The following RAB11FIP2 variants were observed in gnomAD, a reference collection of about 807,000 sequenced individuals.
RAB11FIP2 encodes the protein rab11 family-interacting protein 2.
RAB11FIP2 carries 16 observed loss-of-function variants against 40.9 expected under a neutral mutation model. The ratio of observed to expected loss-of-function variants is 0.39; its 90% confidence interval spans 0.26 to 0.59. RAB11FIP2 has a LOEUF of 0.59. Ranked by LOEUF, RAB11FIP2 falls within the 20% of genes least tolerant of loss-of-function variation. RAB11FIP2 has a pLI of 0.53. For missense variants in RAB11FIP2, 532 were observed against 606.2 expected (o/e 0.88, Z 1.28); for synonymous variants, 228 against 213.7 (o/e 1.07, Z -0.58).
intron 3 of RAB11FIP2, among the ~76,000 whole-genome samples, chr10:118,024,703 G>T (rs1846322542): frequency 6.6e-6 from 1 of 152,090 alleles, no homozygotes; most frequent in African/African-American, 2.4e-5. Context: ...TTCCATGAGG[G>T]TGCAAGCAAG....
Position 118,008,989 on chromosome 10 carries a change from T to C in RAB11FIP2, c.*9A>G, listed in dbSNP as rs769785592. ...TTGTCCAATTATCAATACAATACAA[T>C]TGGCTTTATTAACTGTTAGAGAATT... On this transcript the variant is annotated 3_prime_UTR_variant, in exon 5 of 5. Coordinates refer to ENST00000355624, the MANE Select transcript of RAB11FIP2 (RefSeq NM_014904.3). 3 of 1,578,532 alleles carry C rather than the reference T, an allele frequency of 1.9e-6. No homozygotes were observed. Among genetic ancestry groups the C allele is most frequent in the Middle Eastern group, 1.7e-4 (1 of 5,992 alleles).
rs866754225 is a variant in RAB11FIP2 at position 118,005,091 on chromosome 10, A to G, written c.*3907T>C. On this transcript the variant is annotated 3_prime_UTR_variant, in exon 5 of 5. Coordinates refer to ENST00000355624, the MANE Select transcript of RAB11FIP2 (RefSeq NM_014904.3). Reference sequence around the variant, plus strand: ...GTTATGAGAGCATTTACTTAAGAAGATAAGTGTTATACTCTTCAGTTATAA... The same window carrying G: ...GTTATGAGAGCATTTACTTAAGAAGGTAAGTGTTATACTCTTCAGTTATAA... The G allele has an allele frequency of 3.9e-5, 6 of 152,756 alleles. No individual in the cohort carries two copies. Among genetic ancestry groups the G allele is most frequent in the Middle Eastern group, 3.4e-3 (1 of 294 alleles). 9.5% of individuals were successfully genotyped at this position (152,756 alleles called of 1,614,324 possible).
Position 118,045,802 on chromosome 10 carries a change from A to T in RAB11FIP2, c.353+9T>A, listed in dbSNP as rs200516101. 32 of 1,560,802 alleles carry T rather than the reference A, an allele frequency of 2.1e-5. No homozygotes were observed. In the Middle Eastern group the frequency reaches 2.1e-3, roughly 100 times the overall value. On this transcript the variant is annotated intron_variant, in intron 1 of 4. Transcript: ENST00000355624. The stretch of plus-strand genomic sequence containing the variant: ...CTCCCCCAAATTCAAAATAAATTAC[A>T]TAACTTACTCTGTTTTCCTTCTTTG...
intron 4 of RAB11FIP2, among the ~76,000 whole-genome samples, chr10:118,013,870 TAATA>T (rs1438334419): frequency 6.6e-6 from 1 of 152,118 alleles, no homozygotes; most frequent in East Asian, 1.9e-4. Flanking sequence ...TAAGGTTACT[TAATA>T]AACAATAGCT....
At chr10:118,025,984 T>G (rs565526988) in intron 3 of RAB11FIP2, among the ~76,000 whole-genome samples, 2 of 152,330 alleles carry the variant, frequency 1.3e-5, no homozygotes, top group African/African-American at 4.8e-5. Flanking sequence ...TGCTTATACT[T>G]TTAAAGACAG....
intron 3 of RAB11FIP2, among the ~76,000 whole-genome samples, chr10:118,036,580 C>G (rs1846483877): frequency 6.6e-6 from 1 of 152,148 alleles, no homozygotes; most frequent in Admixed American, 6.6e-5. Context: ...TATTTATATT[C>G]AATTCTTCTT....
Position 118,009,064 on chromosome 10 carries a change from T to C in RAB11FIP2, c.1473A>G (p.Glu491=), listed in dbSNP as rs2133159508. The C allele has an allele frequency of 6.2e-7, 1 of 1,613,624 alleles. No homozygotes were observed. Among genetic ancestry groups the C allele is most frequent in the Admixed American group, 1.7e-5 (1 of 59,972 alleles). Residue 491 remains glutamate (E), a synonymous_variant, in exon 5 of 5, where the codon GAA becomes GAG. Transcript: ENST00000355624. The stretch of plus-strand genomic sequence containing the variant: ...ACGGCACTCTGAGAATACTGGGCGT[T>C]TCTTCCATTACCCTTACAAGGAGGT... ...IDNLLVRVME[E]TPSILRVPYE...
intron 3 of RAB11FIP2, among the ~76,000 whole-genome samples, chr10:118,027,016 T>C (rs557092397): frequency 9.2e-5 from 14 of 152,328 alleles, no homozygotes; most frequent in African/African-American, 3.1e-4. Context: ...TGAGAAGATA[T>C]TATTACTTGG....
chr10:118,043,165 T>C (rs2133184869), intron 1 of RAB11FIP2, among the ~76,000 whole-genome samples: 1 of 152,230 alleles, frequency 6.6e-6, no homozygotes, highest in Non-Finnish European at 1.5e-5. Flanking sequence ...CAATTGGTGC[T>C]GTGTGGTCAG....
intron 3 of RAB11FIP2, among the ~76,000 whole-genome samples, chr10:118,019,960 C>T (rs958372689): frequency 5.3e-5 from 8 of 152,060 alleles, no homozygotes; most frequent in African/African-American, 1.7e-4. Flanking sequence ...TGTATTTCAT[C>T]GATAATGAAG....
chr10:118,012,961 G>T (rs188651006), intron 4 of RAB11FIP2, among the ~76,000 whole-genome samples: 36 of 152,094 alleles, frequency 2.4e-4, no homozygotes, highest in Non-Finnish European at 1.5e-5. Context: ...GAAAATATTA[G>T]AATTACTACA....
Position 118,040,014 on chromosome 10 carries a change from G to C in RAB11FIP2, c.796+109C>G, listed in dbSNP as rs1016597267. 3 of 1,137,836 alleles carry C rather than the reference G, an allele frequency of 2.6e-6. No homozygotes were observed. The African/African-American group carries it at 4.7e-5, about 18-fold the overall frequency. The allele number at this position is 1,137,836 out of a possible 1,614,324, so 70.5% of individuals were successfully genotyped here. A position where few individuals can be genotyped will look rare whatever the true frequency, so the allele number is the denominator to read the frequency against. On this transcript the variant is annotated intron_variant, in intron 2 of 4. Coordinates refer to ENST00000355624, the MANE Select transcript of RAB11FIP2 (RefSeq NM_014904.3). Reference sequence around the variant, plus strand: ...AATATTTGATGAATGACAAAATTTGGAAAATACTACAAAGCAACTGCTATT... The same window carrying C: ...AATATTTGATGAATGACAAAATTTGCAAAATACTACAAAGCAACTGCTATT...
intron 3 of RAB11FIP2, among the ~76,000 whole-genome samples, chr10:118,031,887 T>A: frequency 6.6e-6 from 1 of 152,102 alleles, no homozygotes; most frequent in Non-Finnish European, 1.5e-5. Flanking sequence ...GAAAGCATGT[T>A]CTTTCTATGA....
Position 118,039,451 on chromosome 10 carries a change from T to C in RAB11FIP2, c.797-11A>G. 1 of 1,595,334 alleles carries C rather than the reference T, an allele frequency of 6.3e-7. No individual in the cohort carries two copies. Among genetic ancestry groups the C allele is most frequent in the Non-Finnish European group, 8.6e-7 (1 of 1,165,590 alleles). Reference sequence around the variant, plus strand: ...GAGATTTGAGACTTCCTACAAACAATTTTGTAGTTAGTACATAATCAGTGA... The same window carrying C: ...GAGATTTGAGACTTCCTACAAACAACTTTGTAGTTAGTACATAATCAGTGA... On this transcript the variant is annotated splice_polypyrimidine_tract_variant and intron_variant, in intron 2 of 4. Transcript: ENST00000355624.
intron 3 of RAB11FIP2, among the ~76,000 whole-genome samples, chr10:118,018,918 T>A (rs937403971): frequency 6.6e-6 from 1 of 152,040 alleles, no homozygotes; most frequent in Non-Finnish European, 1.5e-5. Flanking sequence ...GTTTTTTTGT[T>A]TTTGTTTGTT....
intron 3 of RAB11FIP2, among the ~76,000 whole-genome samples, chr10:118,024,296 C>G (rs1846315771): frequency 6.6e-6 from 1 of 151,926 alleles, no homozygotes; most frequent in Non-Finnish European, 1.5e-5. Flanking sequence ...GTTAAAAACT[C>G]AGATGAATTT....
chr10:118,032,144 GGA>G (rs1846422494), intron 3 of RAB11FIP2, among the ~76,000 whole-genome samples: 1 of 151,986 alleles, frequency 6.6e-6, no homozygotes, highest in African/African-American at 2.4e-5. Context: ...TTCAGTAGGT[GGA>G]GTTCTGTGGT....
At chr10:118,043,429 A>G (rs1034483844) in intron 1 of RAB11FIP2, 2 of 152,164 alleles carry the variant, frequency 1.3e-5, no homozygotes, top group African/African-American at 4.8e-5. Flanking sequence ...ATTTCTTTAA[A>G]TCTCATGCCA....
Position 118,038,958 on chromosome 10 carries a change from C to G in RAB11FIP2, c.1265+14G>C, listed in dbSNP as rs775826540. The G allele has an allele frequency of 6.6e-7, 1 of 1,515,280 alleles. No homozygotes were observed. Among genetic ancestry groups the G allele is most frequent in the Non-Finnish European group, 8.9e-7 (1 of 1,123,870 alleles). The allele number at this position is 1,515,280 out of a possible 1,614,324, so 93.9% of individuals were successfully genotyped here. A position where few individuals can be genotyped will look rare whatever the true frequency, so the allele number is the denominator to read the frequency against. ...TTTTCCCAAATAGTAGAACTTCCCC[C>G]ATATTAAGCTTACCTTGAAGATGGC... is the stretch of plus-strand genomic sequence containing the variant. On this transcript the variant is annotated intron_variant, in intron 3 of 4. Coordinates refer to ENST00000355624, the MANE Select transcript of RAB11FIP2 (RefSeq NM_014904.3).
Sources: gnomAD v4.1 joint callset for allele counts (sites outside exome capture counted in the v4.1 genomes callset) on GRCh38, gnomAD v4.1.1 for gene constraint, MANE v1.5 for transcripts, NCBI Gene and HGNC (gene_info 2026-07-23, HGNC 2026-07-21) for gene names.